MYCBP2: variants seen among roughly 807,000 people sequenced by gnomAD.
MYCBP2 encodes MYC binding protein 2.
MYCBP2 carries 120 observed loss-of-function variants against 525.3 expected under a neutral mutation model. The ratio of observed to expected loss-of-function variants is 0.23; its 90% confidence interval spans 0.20 to 0.27. The LOEUF (loss-of-function observed/expected upper bound fraction) is 0.27, where lower values mean the gene tolerates loss of function less well. Ranked by LOEUF, MYCBP2 falls within the 10% of genes least tolerant of loss-of-function variation. MYCBP2 has a pLI of 1.00. For missense variants in MYCBP2, 4,149 were observed against 5,657.1 expected (o/e 0.73, Z 8.55); for synonymous variants, 1,894 against 1,955.8 (o/e 0.97, Z 0.83).
chr13:77,169,870 C>T (rs199751511), intron 38 of MYCBP2, among the ~76,000 whole-genome samples, 156 bp from the exon 39 acceptor site: 1 of 152,164 alleles, frequency 6.6e-6, no homozygotes, highest in East Asian at 1.9e-4. Context: ...ATTCTAAAGG[C>T]TTTTGAGAAT....
intron 51 of MYCBP2, 150 bp from the exon 52 acceptor site, chr13:77,139,486 A>AG: frequency 1.3e-6 from 1 of 776,788 alleles, no homozygotes; most frequent in East Asian, 2.6e-5. Context: ...GAGACCCTCC[A>AG]GGGAAAAAAA....
At chr13:77,191,581 A>C (rs1355973949) in intron 28 of MYCBP2, 98 bp downstream of exon 28, 13 of 1,399,904 alleles carry the variant, frequency 9.3e-6, no homozygotes, top group African/African-American at 1.4e-5. Context: ...TAGTCTTCCT[A>C]AGCTTTTGAA....
chr13:77,093,094 C>A, intron 59 of MYCBP2, 71 bp downstream of exon 59: 2 of 1,435,130 alleles, frequency 1.4e-6, no homozygotes, highest in Admixed American at 2.3e-5. Flanking sequence ...TTCTACAGGA[C>A]TCTTTTCTAG....
chr13:77,211,659 T>C (rs989033457), intron 22 of MYCBP2, among the ~76,000 whole-genome samples: 2 of 152,202 alleles, frequency 1.3e-5, no homozygotes. Flanking sequence ...TATTTAGCAA[T>C]AAACAATGCA....
At chr13:77,146,972 T>A (rs778969890) in intron 47 of MYCBP2, among the ~76,000 whole-genome samples, 1 of 152,152 alleles carries the variant, frequency 6.6e-6, no homozygotes, top group East Asian at 1.9e-4. Flanking sequence ...CAGTTTATAA[T>A]AAGCGTCCAT....
At chr13:77,273,806 T>C (rs1433917861) in intron 4 of MYCBP2, 138 bp from the exon 5 acceptor site, 3 of 597,796 alleles carry the variant, frequency 5.0e-6, no homozygotes, top group Non-Finnish European at 7.6e-6. Flanking sequence ...AGTTTCTTTC[T>C]AGTTACTCTC....
intron 69 of MYCBP2, 36 bp from the exon 70 acceptor site, chr13:77,068,867 G>T: frequency 6.3e-7 from 1 of 1,594,286 alleles, no homozygotes; most frequent in South Asian, 1.1e-5. Flanking sequence ...TAAAAATATA[G>T]GGTTAGTTTG....
At chr13:77,297,753 T>C (rs192119226) in intron 1 of MYCBP2, among the ~76,000 whole-genome samples, 2 of 152,328 alleles carry the variant, frequency 1.3e-5, no homozygotes, top group East Asian at 3.9e-4. Flanking sequence ...GAAAATGTTA[T>C]CCTTGACATT....
At chr13:77,097,315 A>T (rs2046414819) in intron 56 of MYCBP2, 55 bp downstream of exon 56, 1 of 1,533,078 alleles carries the variant, frequency 6.5e-7, no homozygotes, top group East Asian at 2.3e-5. Flanking sequence ...AAATAAAGTG[A>T]TCTGGTTCAT....
At chr13:77,206,923 T>G in intron 23 of MYCBP2, 98 bp from the exon 24 acceptor site, 1 of 1,087,120 alleles carries the variant, frequency 9.2e-7, no homozygotes, top group Non-Finnish European at 1.3e-6. Context: ...ATAAATAATA[T>G]AGTCAGCTTA....
At chr13:77,252,853 T>C (rs1356080643) in intron 14 of MYCBP2, among the ~76,000 whole-genome samples, 2 of 152,156 alleles carry the variant, frequency 1.3e-5, no homozygotes, top group African/African-American at 4.8e-5. Context: ...TAAAATGTAC[T>C]GAGCACTATT....
At chr13:77,219,570 G>A (rs1256752904) in intron 20 of MYCBP2, among the ~76,000 whole-genome samples, 7 of 151,954 alleles carry the variant, frequency 4.6e-5, no homozygotes, top group African/African-American at 1.7e-4. Flanking sequence ...AGATCTCTAA[G>A]GAAAAGACAG....
chr13:77,090,361 G>C, intron 59 of MYCBP2, 98 bp from the exon 60 acceptor site: 1 of 1,000,534 alleles, frequency 1.0e-6, no homozygotes, highest in Non-Finnish European at 1.4e-6. Flanking sequence ...AATATTTCAT[G>C]TGGAGAAACA....
rs74098726 is a variant in MYCBP2 at position 77,236,120 on chromosome 13, T to C, written c.2630-2857A>G. ...CTGGAGGTAAGGCCAGTTAAAAGGC[T>C]TTTTGCTGTCAGATAGGCAAAGAAA... is the stretch of plus-strand genomic sequence containing the variant. On this transcript the variant is annotated intron_variant, in intron 17 of 82. Transcript: ENST00000544440. 2.1e-3 allele frequency among the ~76,000 whole-genome samples: 317 copies of C among 152,290 alleles called. 3 individuals carry two copies. The highest frequency in any genetic ancestry group is 7.4e-3 in the African/African-American group (306 of 41,560).
At chr13:77,269,328 C>T (rs1027212819) in intron 7 of MYCBP2, among the ~76,000 whole-genome samples, 3 of 152,162 alleles carry the variant, frequency 2.0e-5, no homozygotes, top group African/African-American at 7.2e-5. Flanking sequence ...GACATGTATA[C>T]ATTTCCAATT....
Position 77,243,094 on chromosome 13 carries a change from C to T in MYCBP2, c.2594G>A (p.Arg865His), listed in dbSNP as rs540521860. ...LQLRQEEKRQRVIRRHRLEEG... is the reference protein window; with the variant it reads ...LQLRQEEKRQHVIRRHRLEEG... ...CTCTAATCTGTGCCTTCTGATTACA[C>T]GTTGCCGTTTTTCTTCTTGTCGTAA... The change falls in exon 17 of 83, where the codon CGT becomes CAT. Residue 865 changes from arginine to histidine, a missense_variant. Arg to His is a conservative substitution (Grantham distance 29, BLOSUM62 0). Around this residue, in one of 21 missense-constraint regions of MYCBP2, gnomAD observed 620 missense variants for 795.5 expected, o/e 0.78. Coordinates refer to ENST00000544440, the MANE Select transcript of MYCBP2 (RefSeq NM_015057.5). 17 of 1,614,062 alleles carry T rather than the reference C, an allele frequency of 1.1e-5. No homozygotes were observed. The highest frequency in any genetic ancestry group is 8.0e-5 in the African/African-American group (6 of 75,010).
chr13:77,284,340 T>C (rs75280078), intron 3 of MYCBP2, among the ~76,000 whole-genome samples: 3,857 of 151,646 alleles, frequency 0.025, 82 homozygotes, highest in Middle Eastern at 0.056. Context: ...AGGAGCAAAC[T>C]AGGATAATAG....
intron 55 of MYCBP2, among the ~76,000 whole-genome samples, chr13:77,119,050 G>T (rs1369618049): frequency 1.3e-5 from 2 of 152,100 alleles, no homozygotes; most frequent in Admixed American, 6.5e-5. Context: ...TACTGCCAAA[G>T]AAATTCTACT....
chr13:77,213,181 A>C (rs567830284), intron 21 of MYCBP2, among the ~76,000 whole-genome samples: 1 of 152,322 alleles, frequency 6.6e-6, no homozygotes, highest in South Asian at 2.1e-4. Context: ...AGAGCACAAA[A>C]ATGTAAACAG....
Sources: gnomAD v4.1 joint callset for allele counts (sites outside exome capture counted in the v4.1 genomes callset) on GRCh38, gnomAD v4.1.1 for gene constraint, gnomAD v4.1.1 regional missense constraint, MANE v1.5 for transcripts, NCBI Gene and HGNC (gene_info 2026-07-23, HGNC 2026-07-21) for gene names.